Variants in GPHN observed in about 807,000 individuals in gnomAD.
The protein encoded by GPHN is gephyrin.
In GPHN, 17 loss-of-function variants were observed where a neutral mutation model predicts 95.5. The observed-to-expected ratio is 0.18, with a 90% CI of 0.12 to 0.27. The LOEUF (loss-of-function observed/expected upper bound fraction) is 0.27. Among genes scored for constraint, GPHN ranks in the 10% least tolerant of loss-of-function variants. The probability of loss-of-function intolerance (pLI) is 1.00; values close to 1 mark genes in which losing one functional copy is unlikely to be tolerated. For synonymous variants in GPHN, 320 were observed against 322.5 expected, an observed-to-expected ratio of 0.99 and a Z score of 0.08; for missense variants, 660 against 978.1, an observed-to-expected ratio of 0.67 and a Z score of 4.34.
At chr14:67,251,292 G>A in the GPHN span, among the ~76,000 whole-genome samples, 38 of 152,288 alleles carry the variant, frequency 2.5e-4, no homozygotes, top group African/African-American at 8.2e-4. Context: ...CCAGTATTTT[G>A]GAGGCCGAGG....
intron 1 of GPHN, among the ~76,000 whole-genome samples, chr14:66,585,145 A>G (rs1418481570): frequency 6.6e-6 from 1 of 152,148 alleles, no homozygotes; most frequent in East Asian, 1.9e-4. Flanking sequence ...GAATTTATCC[A>G]TTTCTTCTAG....
the GPHN span, chr14:67,592,529 C>A: frequency 1.5e-6 from 1 of 668,894 alleles, no homozygotes; most frequent in East Asian, 2.7e-5. Context: ...AATTATCACT[C>A]AAAACAGCTG....
At chr14:67,078,675 A>G (rs780697400) in intron 11 of GPHN, among the ~76,000 whole-genome samples, 6 of 152,154 alleles carry the variant, frequency 3.9e-5, no homozygotes, top group Admixed American at 3.9e-4. Flanking sequence ...TTGACATTGA[A>G]TGAAGTCTAA....
chr14:67,488,638 A>C, the GPHN span: 1 of 152,484 alleles, frequency 6.6e-6, no homozygotes, highest in African/African-American at 2.4e-5. Flanking sequence ...CACAAGGACC[A>C]TGTGCCTGGG....
chr14:67,642,354 G>A, the GPHN span: 2 of 1,613,642 alleles, frequency 1.2e-6, no homozygotes, highest in Admixed American at 1.7e-5. Flanking sequence ...ACACTGGGAG[G>A]AGACCACAGG....
chr14:66,763,024 AT>A (rs1435282774), intron 2 of GPHN, among the ~76,000 whole-genome samples: 1 of 152,136 alleles, frequency 6.6e-6, no homozygotes, highest in African/African-American at 2.4e-5. Context: ...TCTATCTTCA[AT>A]TTTGGCTAAA....
At chr14:66,907,820 T>C (rs959337223) in intron 5 of GPHN, among the ~76,000 whole-genome samples, 6 of 151,964 alleles carry the variant, frequency 3.9e-5, no homozygotes, top group African/African-American at 1.2e-4. Flanking sequence ...TATACTGGAA[T>C]TGAACAGTTA....
At chr14:67,378,593 C>A in the GPHN span, among the ~76,000 whole-genome samples, 1 of 152,150 alleles carries the variant, frequency 6.6e-6, no homozygotes, top group Non-Finnish European at 1.5e-5. Context: ...ATATTTCTGT[C>A]CTGCAGTCCT....
At chr14:66,970,085 GTTTT>G (rs76967963) in intron 9 of GPHN, among the ~76,000 whole-genome samples, 4 of 99,030 alleles carry the variant, frequency 4.0e-5, no homozygotes, top group Admixed American at 2.1e-4. Flanking sequence ...AGCAAGTTGT[GTTTT>G]TTTTTTTTTT....
chr14:66,518,084 T>C (rs1407513792), intron 1 of GPHN, among the ~76,000 whole-genome samples: 2 of 140,036 alleles, frequency 1.4e-5, no homozygotes, highest in Non-Finnish European at 3.1e-5. Flanking sequence ...AACTCAAACA[T>C]CTTAACAGCC....
At chr14:67,039,094 A>C (rs929598612) in intron 10 of GPHN, among the ~76,000 whole-genome samples, 5 of 152,174 alleles carry the variant, frequency 3.3e-5, no homozygotes, top group African/African-American at 9.6e-5. Flanking sequence ...AAAATCTTGA[A>C]TAGTTCTCCA....
At chr14:66,804,269 G>A (rs1386917178) in intron 3 of GPHN, among the ~76,000 whole-genome samples, 1 of 152,146 alleles carries the variant, frequency 6.6e-6, no homozygotes, top group Non-Finnish European at 1.5e-5. Context: ...AGGAGGTTTA[G>A]CTCTAATATT....
At chr14:66,605,834 A>AT (rs1414430268) in intron 1 of GPHN, among the ~76,000 whole-genome samples, 1 of 151,832 alleles carries the variant, frequency 6.6e-6, no homozygotes, top group Non-Finnish European at 1.5e-5. Context: ...ACCTGGCCCC[A>AT]TTTTTTAAAG....
the GPHN span, among the ~76,000 whole-genome samples, chr14:67,705,118 G>A: frequency 1.3e-5 from 2 of 152,188 alleles, no homozygotes; most frequent in African/African-American, 2.4e-5. Context: ...GGGAAGACAC[G>A]CCAATAAAGC....
rs148142389 is a variant in GPHN at position 67,172,193 on chromosome 14, A to G, written c.2079+3157A>G. On this transcript the variant is annotated intron_variant, in intron 21 of 22. Transcript: ENST00000478722. ...AACATCCACAGGCTGAGATGCAAGC[A>G]GCTGTTACAACTTTCCCAGTGGAGC... Among the ~76,000 whole-genome samples, 434 of 152,196 alleles carry G rather than the reference A, an allele frequency of 2.9e-3. 10 individuals are homozygous for G. Among genetic ancestry groups the G allele is most frequent in the East Asian group, 0.017 (90 of 5,152 alleles).
At chr14:66,652,418 TATA>T (rs1299180677) in intron 1 of GPHN, among the ~76,000 whole-genome samples, 7 of 151,948 alleles carry the variant, frequency 4.6e-5, no homozygotes, top group Non-Finnish European at 8.8e-5. Context: ...ACCATATATA[TATA>T]ATATCATTCT....
the GPHN span, among the ~76,000 whole-genome samples, chr14:67,504,606 G>T: frequency 1.3e-5 from 2 of 152,146 alleles, no homozygotes; most frequent in African/African-American, 4.8e-5. Flanking sequence ...AAAACAATAG[G>T]CCATGTGCGG....
At chr14:67,207,635 C>T in the GPHN span, among the ~76,000 whole-genome samples, 1 of 152,148 alleles carries the variant, frequency 6.6e-6, no homozygotes, top group African/African-American at 2.4e-5. Flanking sequence ...TTAGGGCCTG[C>T]TGACCAACTG....
At chr14:66,672,181 G>C (rs542020788) in intron 1 of GPHN, among the ~76,000 whole-genome samples, 2 of 152,012 alleles carry the variant, frequency 1.3e-5, no homozygotes, top group East Asian at 3.9e-4. Flanking sequence ...AATATATTTT[G>C]AGATTTATTT....
Sources: gnomAD v4.1 joint callset for allele counts (sites outside exome capture counted in the v4.1 genomes callset) on GRCh38, gnomAD v4.1.1 for gene constraint, MANE v1.5 for transcripts, NCBI Gene and HGNC (gene_info 2026-07-23, HGNC 2026-07-21) for gene names.